TENM3: variants seen among roughly 807,000 people sequenced by gnomAD.
TENM3 encodes teneurin-3.
TENM3 carries 63 observed loss-of-function variants against 255.1 expected under a neutral mutation model. That is an observed-to-expected ratio of 0.25 (90% confidence interval 0.20 to 0.30). TENM3 has a LOEUF of 0.30. Among genes scored for constraint, TENM3 ranks in the 10% least tolerant of loss-of-function variants. TENM3 has a pLI of 1.00. For missense variants in TENM3, 2,929 were observed against 3,461.1 expected (o/e 0.85, Z 3.86); for synonymous variants, 1,306 against 1,322.3 (o/e 0.99, Z 0.27).
chr4:182,695,234 G>A (rs376626014), intron 12 of TENM3, among the ~76,000 whole-genome samples: 30 of 152,244 alleles, frequency 2.0e-4, no homozygotes, highest in African/African-American at 5.8e-4. Flanking sequence ...AACTACCAGC[G>A]TCCCTGACCT....
the TENM3 span, among the ~76,000 whole-genome samples, chr4:181,561,201 A>G: frequency 0.17 from 25,853 of 151,992 alleles, 2,610 homozygotes; most frequent in African/African-American, 0.27. Flanking sequence ...TGATCCACCC[A>G]TCTCGGCCTC....
At chr4:181,519,530 A>T in the TENM3 span, among the ~76,000 whole-genome samples, 1 of 152,212 alleles carries the variant, frequency 6.6e-6, no homozygotes, top group Non-Finnish European at 1.5e-5. Flanking sequence ...CATAAGTTTA[A>T]AAATAAAAAT....
chr4:182,203,209 C>G (rs1754314430), intron 1 of TENM3, among the ~76,000 whole-genome samples: 1 of 150,774 alleles, frequency 6.6e-6, no homozygotes, highest in Non-Finnish European at 1.5e-5. Context: ...AAGGGTGAAA[C>G]TCCATCTCAA....
intron 3 of TENM3, among the ~76,000 whole-genome samples, chr4:182,534,493 G>A (rs1439392239): frequency 6.6e-6 from 1 of 152,202 alleles, no homozygotes; most frequent in Non-Finnish European, 1.5e-5. Flanking sequence ...AATTTGCTGA[G>A]TTTTTTGTAA....
chr4:181,857,725 T>C, the TENM3 span, among the ~76,000 whole-genome samples: 1 of 151,832 alleles, frequency 6.6e-6, no homozygotes, highest in South Asian at 2.1e-4. Flanking sequence ...ACCACTGCAC[T>C]CCAGCCTGGT....
At chr4:182,161,943 A>G (rs1414750448) in intron 1 of TENM3, among the ~76,000 whole-genome samples, 1 of 61,928 alleles carries the variant, frequency 1.6e-5, no homozygotes, top group East Asian at 5.9e-4. Context: ...ACATATATAT[A>G]TTTGTGTGTG....
intron 3 of TENM3, among the ~76,000 whole-genome samples, chr4:182,388,290 A>G (rs905279552): frequency 1.3e-5 from 2 of 152,084 alleles, no homozygotes; most frequent in African/African-American, 2.4e-5. Context: ...CCTCATCAAG[A>G]CTTCTTCAGC....
At chr4:181,996,129 T>G in the TENM3 span, among the ~76,000 whole-genome samples, 126 of 149,640 alleles carry the variant, frequency 8.4e-4, 1 homozygote, top group African/African-American at 2.9e-3. Flanking sequence ...ATAGTCCAAC[T>G]TCTACTAGAG....
chr4:182,269,141 G>A (rs963100392), intron 1 of TENM3, among the ~76,000 whole-genome samples: 1 of 152,188 alleles, frequency 6.6e-6, no homozygotes, highest in Non-Finnish European at 1.5e-5. Context: ...GTTCGGAAAT[G>A]CTAGTTTTTG....
the TENM3 span, among the ~76,000 whole-genome samples, chr4:182,007,818 T>C: frequency 6.6e-6 from 1 of 152,228 alleles, no homozygotes; most frequent in Non-Finnish European, 1.5e-5. Context: ...CTTTGTAGTG[T>C]CATTGGTCTT....
At chr4:182,165,479 G>A (rs1751643101) in intron 1 of TENM3, among the ~76,000 whole-genome samples, 2 of 152,078 alleles carry the variant, frequency 1.3e-5, no homozygotes, top group Non-Finnish European at 2.9e-5. Flanking sequence ...TTTCTTACAC[G>A]TTCCGTCGTG....
At chr4:182,365,105 C>A (rs59417744) in intron 3 of TENM3, among the ~76,000 whole-genome samples, 5,918 of 152,242 alleles carry the variant, frequency 0.039, 201 homozygotes, top group African/African-American at 0.091. Flanking sequence ...ACAATTGGAC[C>A]GATGAAACGT....
At chr4:182,621,873 G>A (rs1349556714) in intron 4 of TENM3, among the ~76,000 whole-genome samples, 1 of 136,868 alleles carries the variant, frequency 7.3e-6, no homozygotes, top group Non-Finnish European at 1.5e-5. Context: ...TACTCAGGAG[G>A]CTGAGGAAGC....
intron 24 of TENM3, among the ~76,000 whole-genome samples, chr4:182,778,767 C>A (rs935354484): frequency 1.3e-5 from 2 of 151,998 alleles, no homozygotes; most frequent in Non-Finnish European, 2.9e-5. Flanking sequence ...TTTTTCCATG[C>A]TTACTTAAAG....
intron 4 of TENM3, among the ~76,000 whole-genome samples, chr4:182,619,607 C>T (rs6552580): frequency 0.69 from 104,675 of 152,044 alleles, 36,261 homozygotes; most frequent in East Asian, 0.87. Flanking sequence ...CATAGCATTA[C>T]AAGTTAATGA....
rs537643195 is a variant in TENM3, at chr4:182,235,645, G to A, written c.-75-88301G>A. On this transcript the variant is annotated intron_variant, in intron 1 of 2. Coordinates refer to the TENM3 transcript ENST00000512480. The stretch of plus-strand genomic sequence containing the variant: ...CACGGGAGCCATCTCTCACAAGCTG[G>A]AACTACTACACACGACCACACGGGA... Among the ~76,000 whole-genome samples, 36 of 152,092 alleles carry A rather than the reference G, an allele frequency of 2.4e-4. No homozygotes were observed. In the South Asian group the frequency reaches 7.1e-3, roughly 30 times the overall value.
intron 1 of TENM3, among the ~76,000 whole-genome samples, chr4:182,301,576 T>C (rs1761859126): frequency 6.6e-6 from 1 of 152,192 alleles, no homozygotes; most frequent in Non-Finnish European, 1.5e-5. Context: ...GAAATGCACA[T>C]TTAAGAGCAT....
At chr4:181,999,501 A>G in the TENM3 span, among the ~76,000 whole-genome samples, 6 of 152,318 alleles carry the variant, frequency 3.9e-5, no homozygotes, top group South Asian at 2.1e-4. Context: ...ATGTGTATAC[A>G]AAACTTGTGA....
chr4:182,507,670 C>G (rs1210013286), intron 3 of TENM3, among the ~76,000 whole-genome samples: 1 of 152,190 alleles, frequency 6.6e-6, no homozygotes, highest in East Asian at 1.9e-4. Flanking sequence ...AAATTTTCAA[C>G]TTAGAGAACG....
Sources: gnomAD v4.1 joint callset for allele counts (sites outside exome capture counted in the v4.1 genomes callset) on GRCh38, gnomAD v4.1.1 for gene constraint, MANE v1.5 for transcripts, NCBI Gene and HGNC (gene_info 2026-07-23, HGNC 2026-07-21) for gene names.